Variants in SCN10A observed in about 807,000 individuals in gnomAD.
SCN10A encodes sodium voltage-gated channel alpha subunit 10, also known as sodium channel protein type 10 subunit alpha.
In SCN10A, 162 loss-of-function variants were observed where a neutral mutation model predicts 170.7. The observed-to-expected ratio is 0.95, with a 90% CI of 0.84 to 1.08. The LOEUF is 1.08. Ranked by LOEUF, SCN10A falls within the 50% of genes least tolerant of loss-of-function variation. The pLI is 0.00. For missense variants in SCN10A, 2,527 were observed against 2,436.9 expected (o/e 1.04, Z -0.78); for synonymous variants, 985 against 904.6 (o/e 1.09, Z -1.59).
At chr3:38,813,512 C>T (rs575857255) in intron 1 of SCN10A, among the ~76,000 whole-genome samples, 3 of 152,276 alleles carry the variant, frequency 2.0e-5, no homozygotes, top group African/African-American at 4.8e-5. Flanking sequence ...TATTTACAGT[C>T]GTCTTGTGAC....
intron 27 of SCN10A, 88 bp downstream of exon 27, chr3:38,701,751 T>G: frequency 7.8e-7 from 1 of 1,283,740 alleles, no homozygotes; most frequent in Non-Finnish European, 1.1e-6. Context: ...TTCAAAAAGT[T>G]GGTTGGTTAT....
chr3:38,765,558 C>T (rs1245971265), intron 5 of SCN10A, among the ~76,000 whole-genome samples: 1 of 152,098 alleles, frequency 6.6e-6, no homozygotes, highest in African/African-American at 2.4e-5. Flanking sequence ...CTATTCTTTT[C>T]CATTGGTCTA....
At chr3:38,713,461 G>A (rs561756896) in intron 22 of SCN10A, among the ~76,000 whole-genome samples, 7 of 152,292 alleles carry the variant, frequency 4.6e-5, no homozygotes, top group South Asian at 2.1e-4. Flanking sequence ...AAGAGCAAAG[G>A]GGGTGAGGTC....
At chr3:38,720,269 A>T (rs79773522) in intron 20 of SCN10A, among the ~76,000 whole-genome samples, 6,133 of 152,346 alleles carry the variant, frequency 0.04, 150 homozygotes, top group Non-Finnish European at 0.064. Context: ...TAAATTATAA[A>T]GGAATATGTT....
At position 38,697,866 on chromosome 3, in the gene SCN10A, A is replaced by T; in HGVS notation, c.5354T>A (p.Leu1785Gln). ...LRIPKPNRNI[L>Q]IQMDLPLVPG... ...GACCAAAGGCAGGTCCATCTGGATC[A>T]GTATATTTCGATTGGGTTTTGGGAT... The change falls in exon 28 of 28, where the codon CTG becomes CAG. Residue 1785 changes from leucine to glutamine, a missense_variant. Transcript: ENST00000449082. 1 of 1,614,178 alleles carries T rather than the reference A, an allele frequency of 6.2e-7. No homozygotes were observed. The highest frequency in any genetic ancestry group is 1.1e-5 in the South Asian group (1 of 91,068).
chr3:38,718,928 G>A (rs1035746407), intron 20 of SCN10A, 102 bp from the exon 21 acceptor site: 75 of 1,113,232 alleles, frequency 6.7e-5, no homozygotes, highest in Non-Finnish European at 9.5e-5. Flanking sequence ...CACAGTCCCT[G>A]GAAGGGGATT....
At chr3:38,794,831 G>T (rs571558410) in intron 1 of SCN10A, among the ~76,000 whole-genome samples, 26 of 152,222 alleles carry the variant, frequency 1.7e-4, no homozygotes, top group African/African-American at 6.3e-4. Flanking sequence ...GTCTTCCCTT[G>T]CAGTAAGCCA....
rs72866266 is a variant in SCN10A, at chr3:38,742,737, T to G, written c.1868-208A>C. ...AATTAATATCTGCCCCATCCAGTCCTTTAAACTGCTGACATTACATATTTT... is the reference window on the plus strand; with the variant it reads ...AATTAATATCTGCCCCATCCAGTCCGTTAAACTGCTGACATTACATATTTT... On this transcript the variant is annotated intron_variant, in intron 13 of 27. Transcript: ENST00000449082. Among the ~76,000 whole-genome samples the G allele has an allele frequency of 0.028, 4,335 of 152,312 alleles. 219 individuals carry two copies. Among genetic ancestry groups the G allele is most frequent in the African/African-American group, 0.097 (4,015 of 41,556 alleles).
At chr3:38,797,972 A>C (rs2064350086) in intron 1 of SCN10A, among the ~76,000 whole-genome samples, 1 of 152,188 alleles carries the variant, frequency 6.6e-6, no homozygotes, top group African/African-American at 2.4e-5. Flanking sequence ...ATGAGGGACC[A>C]GTCCTTCTTT....
At chr3:38,699,327 T>A (rs1459764720) in intron 27 of SCN10A, among the ~76,000 whole-genome samples, 1 of 151,516 alleles carries the variant, frequency 6.6e-6, no homozygotes, top group Non-Finnish European at 1.5e-5. Flanking sequence ...ATATAAAGAA[T>A]GTATATGTCC....
At position 38,712,263 on chromosome 3, in the gene SCN10A, C is replaced by T. The variant is rs2125989835; in HGVS notation, c.3987G>A (p.Lys1329=). Reference sequence around the variant, plus strand: ...TGGAGTTTTGAATCTTGCAGTCAGACTTGTTATTCACAATCGACAAAGGTA... The same window carrying T: ...TGGAGTTTTGAATCTTGCAGTCAGATTTGTTATTCACAATCGACAAAGGTA... ...SLVPLSIVNN[K]SDCKIQNSTG... is the part of the protein sequence containing the mutation. Residue 1329 remains lysine, a synonymous_variant, in exon 23 of 28, where the codon AAG becomes AAA. Transcript: ENST00000449082. 2 of 1,614,204 alleles carry T rather than the reference C, an allele frequency of 1.2e-6. No individual in the cohort carries two copies. Among genetic ancestry groups the T allele is most frequent in the East Asian group, 4.5e-5 (2 of 44,892 alleles).
intron 8 of SCN10A, among the ~76,000 whole-genome samples, chr3:38,759,480 T>A (rs955126740): frequency 6.6e-6 from 1 of 152,096 alleles, no homozygotes; most frequent in Non-Finnish European, 1.5e-5. Context: ...CTACTTTCTC[T>A]CTTGCCTCAC....
At chr3:38,741,493 G>A (rs996309934) in intron 14 of SCN10A, among the ~76,000 whole-genome samples, 5 of 152,204 alleles carry the variant, frequency 3.3e-5, no homozygotes, top group African/African-American at 7.2e-5. Flanking sequence ...AATAACAAGA[G>A]TGCCTACCAT....
At chr3:38,743,788 T>C (rs2063658520) in intron 13 of SCN10A, among the ~76,000 whole-genome samples, 1 of 152,164 alleles carries the variant, frequency 6.6e-6, no homozygotes, top group Non-Finnish European at 1.5e-5. Flanking sequence ...CCTTAGCTTC[T>C]CTGTGTTTTT....
intron 26 of SCN10A, among the ~76,000 whole-genome samples, chr3:38,704,942 G>C (rs183295052): frequency 3.9e-5 from 6 of 152,358 alleles, no homozygotes; most frequent in African/African-American, 1.4e-4. Context: ...GTCTTAGTTG[G>C]GAGTGGGAAT....
chr3:38,697,176 AT>A lies in SCN10A; in HGVS notation c.*172del, dbSNP rs1281712509. 19 of 954,664 alleles carry A rather than the reference AT, an allele frequency of 2.0e-5. No homozygotes were observed. The highest frequency in any genetic ancestry group is 2.9e-5 in the Non-Finnish European group (19 of 660,822). The allele number at this position is 954,664 out of a possible 1,614,324, so 59.1% of individuals were successfully genotyped here. Reference sequence around the variant, plus strand: ...CTTAGCTTCTGACTCCTATTTGTGTATGATGGTTTTTTCAAAGGTGGTTACC... The same window carrying A: ...CTTAGCTTCTGACTCCTATTTGTGTAGATGGTTTTTTCAAAGGTGGTTACC... On this transcript the variant is annotated 3_prime_UTR_variant, in exon 28 of 28. Coordinates refer to ENST00000449082, the MANE Select transcript of SCN10A (RefSeq NM_006514.4).
In SCN10A at chr3:38,726,642, A is replaced by G. The variant is rs1271881391; in HGVS notation, c.3051T>C (p.Ala1017=). The G allele has an allele frequency of 6.2e-7, 1 of 1,600,288 alleles. No homozygotes were observed. The highest frequency in any genetic ancestry group is 1.1e-5 in the South Asian group (1 of 90,164). The change falls in exon 17 of 28, where the codon GCT becomes GCC. Residue 1017 remains alanine, a synonymous_variant. Transcript: ENST00000449082. ...GGATCACTTCCTGCTGGAAGCTCTG[A>G]GCATCTTCCCCACCATCATCCTCCA... is the stretch of plus-strand genomic sequence containing the variant. ...DDLEDDGGED[A]QSFQQEVIPK... is the part of the protein sequence containing the mutation.
At chr3:38,754,642 C>A (rs1241320655) in intron 11 of SCN10A, among the ~76,000 whole-genome samples, 1 of 152,190 alleles carries the variant, frequency 6.6e-6, no homozygotes. Flanking sequence ...ATGCCAGGTG[C>A]TGCTCAAAAG....
At chr3:38,761,562 G>C (rs1279370451) in intron 6 of SCN10A, among the ~76,000 whole-genome samples, 179 bp from the exon 7 acceptor site, 5 of 152,164 alleles carry the variant, frequency 3.3e-5, no homozygotes, top group Non-Finnish European at 7.4e-5. Flanking sequence ...GGCAGGCAGA[G>C]AGTCAGGGGC....
Sources: allele counts gnomAD v4.1 joint callset (sites outside exome capture counted in the v4.1 genomes callset), GRCh38; gene constraint gnomAD v4.1.1; transcripts MANE v1.5; gene names NCBI Gene and HGNC (gene_info 2026-07-23, HGNC 2026-07-21).